WBP1L: variants seen among roughly 807,000 people sequenced by gnomAD.
WBP1L encodes the protein WW domain binding protein 1 like.
A neutral mutation model predicts 33.7 loss-of-function variants in WBP1L; 17 were observed. The observed-to-expected ratio is 0.50, with a 90% CI of 0.34 to 0.76. WBP1L has a LOEUF of 0.76. Among genes scored for constraint, WBP1L ranks in the 30% least tolerant of loss-of-function variants. The pLI, the probability that WBP1L is intolerant of heterozygous loss-of-function variation, is 0.01. For synonymous variants in WBP1L, 173 were observed against 190.8 expected (o/e 0.91, Z 0.77); for missense variants, 389 against 469.4 (o/e 0.83, Z 1.58).
At chr10:102,808,783 C>A (rs1180540762) in intron 2 of WBP1L, among the ~76,000 whole-genome samples, 1 of 152,094 alleles carries the variant, frequency 6.6e-6, no homozygotes, top group Admixed American at 6.5e-5. Flanking sequence ...TTGATGCTAT[C>A]AGGAGAATCA....
chr10:102,748,109 A>G (rs1224280438), intron 1 of WBP1L, among the ~76,000 whole-genome samples: 1 of 152,044 alleles, frequency 6.6e-6, no homozygotes, highest in Non-Finnish European at 1.5e-5. Flanking sequence ...ACAAAAAATT[A>G]GCTGGGCATG....
intron 1 of WBP1L, among the ~76,000 whole-genome samples, chr10:102,767,953 C>T (rs906440993): frequency 9.2e-5 from 14 of 152,148 alleles, no homozygotes; most frequent in South Asian, 4.1e-4. Context: ...TGCCTTTGGA[C>T]GTATGCCCCA....
intron 1 of WBP1L, among the ~76,000 whole-genome samples, chr10:102,773,131 C>T (rs530145843): frequency 1.3e-5 from 2 of 152,220 alleles, no homozygotes; most frequent in African/African-American, 4.8e-5. Context: ...GCAAAGCTGA[C>T]TCCTTTGTCA....
At chr10:102,781,438 C>T (rs1843334592) in intron 1 of WBP1L, among the ~76,000 whole-genome samples, 1 of 152,116 alleles carries the variant, frequency 6.6e-6, no homozygotes. Flanking sequence ...GTTATCTGTT[C>T]CAGAACCCAG....
intron 1 of WBP1L, among the ~76,000 whole-genome samples, chr10:102,764,946 C>T (rs1843089405): frequency 6.6e-6 from 1 of 152,188 alleles, no homozygotes; most frequent in Non-Finnish European, 1.5e-5. Context: ...CAGCTTCCTT[C>T]TATTTCTCCA....
chr10:102,786,703 A>G (rs908017368), intron 1 of WBP1L, among the ~76,000 whole-genome samples: 1 of 152,112 alleles, frequency 6.6e-6, no homozygotes, highest in African/African-American at 2.4e-5. Context: ...TTTGGGAGGG[A>G]CCAGACCAGA....
At position 102,812,574 on chromosome 10, in the gene WBP1L, C is replaced by G. The variant is rs370503426; in HGVS notation, c.356-21C>G. 15 of 1,550,068 alleles carry G rather than the reference C, an allele frequency of 9.7e-6. No individual in the cohort carries two copies. In the African/African-American group the frequency reaches 1.8e-4, roughly 18 times the overall value. ...ACAATGACCAGTGCAGTAATTTCTC[C>G]TTCCTACCTCCCCATTTTAGGGTTT... On this transcript the variant is annotated intron_variant, in intron 3 of 3. Transcript: ENST00000448841.
intron 1 of WBP1L, among the ~76,000 whole-genome samples, chr10:102,777,405 G>T (rs1843279697): frequency 6.6e-6 from 1 of 152,052 alleles, no homozygotes; most frequent in Admixed American, 6.6e-5. Flanking sequence ...ACTCTCCCTT[G>T]AGTTGCCTAC....
chr10:102,798,703 G>A (rs183912702), intron 2 of WBP1L, among the ~76,000 whole-genome samples: 3 of 152,326 alleles, frequency 2.0e-5, no homozygotes, highest in East Asian at 3.9e-4. Flanking sequence ...GATTAGAGGC[G>A]TGAGCCACCA....
intron 1 of WBP1L, among the ~76,000 whole-genome samples, chr10:102,754,989 G>A (rs952026660): frequency 2.0e-5 from 3 of 151,016 alleles, no homozygotes; most frequent in South Asian, 2.1e-4. Context: ...TCGCTCTGTC[G>A]CCCAGGCTGG....
At chr10:102,765,337 A>G (rs1469391314) in intron 1 of WBP1L, among the ~76,000 whole-genome samples, 1 of 151,960 alleles carries the variant, frequency 6.6e-6, no homozygotes, top group Non-Finnish European at 1.5e-5. Flanking sequence ...CACTCAGTTG[A>G]TCCTCCTACC....
chr10:102,812,744 G>A lies in WBP1L; in HGVS notation c.505G>A (p.Asp169Asn), dbSNP rs780215655. The change falls in exon 4 of 4, where the codon GAT becomes AAT. Residue 169 changes from aspartate (D) to asparagine (N), a missense_variant. Coordinates refer to ENST00000448841, the MANE Select transcript of WBP1L (RefSeq NM_001083913.2). ...TGCAGGTGGCAGTCCCCCGGGCATC[G>A]ATCCCACCAGGGGATCCCAGGGGGC... ...GPAGGSPPGI[D>N]PTRGSQGAQS... The A allele has an allele frequency of 1.2e-5, 19 of 1,613,716 alleles. No individual in the cohort carries two copies. The East Asian group carries it at 2.0e-4, about 17-fold the overall frequency.
intron 1 of WBP1L, among the ~76,000 whole-genome samples, chr10:102,758,344 G>T (rs778087340): frequency 5.0e-4 from 76 of 152,162 alleles, no homozygotes; most frequent in Non-Finnish European, 8.7e-4. Flanking sequence ...CCAAAAAGAA[G>T]CCTTATAGCC....
chr10:102,788,131 C>A (rs1438050327), intron 1 of WBP1L, among the ~76,000 whole-genome samples: 1 of 143,290 alleles, frequency 7.0e-6, no homozygotes, highest in African/African-American at 2.6e-5. Context: ...AACTTTCTTT[C>A]TTTCTTTTTT....
chr10:102,790,457 T>C (rs974251099), intron 1 of WBP1L, among the ~76,000 whole-genome samples: 1 of 152,160 alleles, frequency 6.6e-6, no homozygotes, highest in Non-Finnish European at 1.5e-5. Flanking sequence ...TGTAATGGAT[T>C]AGTTTTGCAT....
At chr10:102,800,443 G>A (rs894515557) in intron 2 of WBP1L, among the ~76,000 whole-genome samples, 1 of 152,206 alleles carries the variant, frequency 6.6e-6, no homozygotes, top group Non-Finnish European at 1.5e-5. Flanking sequence ...AGGGCAAGGA[G>A]GTAGTCTGGG....
intron 1 of WBP1L, among the ~76,000 whole-genome samples, chr10:102,772,553 C>T (rs547309966): frequency 4.6e-4 from 63 of 136,416 alleles, no homozygotes; most frequent in Non-Finnish European, 5.9e-4. Context: ...GAGCCATGCC[C>T]GGCCCTTTTT....
chr10:102,764,251 G>C (rs1029804046), intron 1 of WBP1L, among the ~76,000 whole-genome samples: 9 of 152,180 alleles, frequency 5.9e-5, no homozygotes, highest in African/African-American at 9.7e-5. Flanking sequence ...CAAGGCCTTG[G>C]AAAAGCTTTG....
intron 1 of WBP1L, among the ~76,000 whole-genome samples, chr10:102,774,693 A>G (rs931258447): frequency 1.6e-4 from 24 of 152,320 alleles, no homozygotes; most frequent in African/African-American, 5.5e-4. Flanking sequence ...TCTGACTTAC[A>G]TGGATCATGC....
Sources: allele counts gnomAD v4.1 joint callset (sites outside exome capture counted in the v4.1 genomes callset), GRCh38; gene constraint gnomAD v4.1.1; transcripts MANE v1.5; gene names NCBI Gene and HGNC (gene_info 2026-07-23, HGNC 2026-07-21).